The following NFATC1 variants were observed in gnomAD, a reference collection of about 807,000 sequenced individuals.
The protein encoded by NFATC1 is nuclear factor of activated T-cells, cytoplasmic 1.
NFATC1 carries 22 observed loss-of-function variants against 76.0 expected under a neutral mutation model. The observed-to-expected ratio is 0.29, with a 90% CI of 0.21 to 0.41. The LOEUF (loss-of-function observed/expected upper bound fraction) is 0.41. NFATC1 is among the 10% of genes least tolerant of loss of function. The pLI is 1.00. For synonymous variants in NFATC1, 704 were observed against 613.1 expected, an observed-to-expected ratio of 1.15 and a Z score of -2.19; for missense variants, 1,357 against 1,337.7, an observed-to-expected ratio of 1.01 and a Z score of -0.23.
rs1335431315 is a variant in NFATC1 at position 79,410,650 on chromosome 18, C to T, written c.375C>T (p.Cys125=). The T allele has an allele frequency of 6.2e-7, 1 of 1,613,214 alleles. No individual in the cohort carries two copies. The highest frequency in any genetic ancestry group is 1.1e-5 in the South Asian group (1 of 91,080). ...LESPRIEITS[C]LGLYHNNNQF... is the part of the protein sequence containing the mutation. ...GTCCTCGCATCGAGATAACCTCGTG[C>T]TTGGGCCTGTACCACAACAATAACC... is the stretch of plus-strand genomic sequence containing the variant. The change falls in exon 2 of 10, where the codon TGC becomes TGT. Residue 125 remains cysteine (C), a synonymous_variant. Coordinates refer to ENST00000427363, the MANE Select transcript of NFATC1 (RefSeq NM_001278669.2). The surrounding 1 kb of genome is among the most constrained non-coding windows in gnomAD (Gnocchi z 6.7).
chr18:79,511,889 G>T (rs978287070), intron 9 of NFATC1, among the ~76,000 whole-genome samples: 7 of 152,102 alleles, frequency 4.6e-5, no homozygotes, highest in Admixed American at 3.9e-4. Flanking sequence ...CGGGGCTTCT[G>T]GGGGAGGCCA....
chr18:79,457,766 C>T (rs1346478314), intron 6 of NFATC1, among the ~76,000 whole-genome samples: 4 of 152,230 alleles, frequency 2.6e-5, no homozygotes, highest in South Asian at 2.1e-4. Context: ...GCCGTGGCCT[C>T]GCCTGGTCTG....
At chr18:79,494,957 G>A (rs904953783) in intron 9 of NFATC1, among the ~76,000 whole-genome samples, 11 of 152,068 alleles carry the variant, frequency 7.2e-5, no homozygotes, top group Middle Eastern at 3.4e-3. Context: ...GTACGGCCGG[G>A]GGAAGGCGAG....
At chr18:79,430,575 G>T (rs1362834844) in intron 2 of NFATC1, among the ~76,000 whole-genome samples, 1 of 152,202 alleles carries the variant, frequency 6.6e-6, no homozygotes, top group Admixed American at 6.5e-5. Context: ...TGGAGACGGG[G>T]TTTCACCCTG....
At chr18:79,521,192 G>T (rs1212733148) in intron 9 of NFATC1, among the ~76,000 whole-genome samples, 4 of 98,516 alleles carry the variant, frequency 4.1e-5, no homozygotes, top group Non-Finnish European at 8.2e-5. Context: ...TGTGTGTGTG[G>T]GGGCATCAGC....
chr18:79,453,885 C>T (rs1271631742), intron 6 of NFATC1, among the ~76,000 whole-genome samples: 1 of 152,260 alleles, frequency 6.6e-6, no homozygotes, highest in Non-Finnish European at 1.5e-5. Context: ...TCTTCCTCCA[C>T]TTCCGGCTTC....
At chr18:79,423,412 C>T (rs2086169438) in intron 2 of NFATC1, among the ~76,000 whole-genome samples, 1 of 152,240 alleles carries the variant, frequency 6.6e-6, no homozygotes, top group African/African-American at 2.4e-5. Context: ...CCACCTTCTT[C>T]CCAAAGGCGG....
At chr18:79,412,169 G>A (rs1255764744) in intron 2 of NFATC1, among the ~76,000 whole-genome samples, 3 of 152,232 alleles carry the variant, frequency 2.0e-5, no homozygotes, top group African/African-American at 7.2e-5. Flanking sequence ...AACCGTGTGA[G>A]GGGCTGCTGG....
intron 9 of NFATC1, among the ~76,000 whole-genome samples, chr18:79,508,374 G>A (rs572517494): frequency 3.9e-5 from 6 of 152,282 alleles, no homozygotes; most frequent in East Asian, 1.9e-4. Context: ...ACAGGGCAGC[G>A]GCGTGCGTGT....
chr18:79,427,712 T>G (rs1303123585), intron 2 of NFATC1, among the ~76,000 whole-genome samples: 152 of 8,096 alleles, frequency 0.019, no homozygotes, highest in South Asian at 0.022. Flanking sequence ...TGGGTGGGGT[T>G]GGGGGGGTGC....
chr18:79,492,198 T>G (rs893018228), intron 9 of NFATC1, among the ~76,000 whole-genome samples: 2 of 152,124 alleles, frequency 1.3e-5, no homozygotes, highest in East Asian at 3.9e-4. Context: ...CGCTGGAGCC[T>G]CCTCTGTGGC....
At chr18:79,521,022 T>C (rs1437430803) in intron 9 of NFATC1, among the ~76,000 whole-genome samples, 1 of 93,292 alleles carries the variant, frequency 1.1e-5, no homozygotes, top group Non-Finnish European at 2.1e-5. Context: ...TCCACTGATA[T>C]GTGTGTCTGT....
chr18:79,458,995 G>A (rs1052137322), intron 6 of NFATC1, among the ~76,000 whole-genome samples: 10 of 152,226 alleles, frequency 6.6e-5, no homozygotes, highest in Non-Finnish European at 1.2e-4. Flanking sequence ...CACCCTGGTC[G>A]ACCTGAAACG....
chr18:79,494,139 G>A lies in NFATC1; in HGVS notation c.2782+7202G>A, dbSNP rs904840410. 5.3e-5 allele frequency among the ~76,000 whole-genome samples: 8 copies of A among 152,380 alleles called. No individual in the cohort carries two copies. The East Asian group carries it at 1.2e-3, about 22-fold the overall frequency. ...CGACTCACGCGTTTCAGTTCCTCTCGAGAAAACTCGCTGCCACCTGGTCTC... is the reference window on the plus strand; with the variant it reads ...CGACTCACGCGTTTCAGTTCCTCTCAAGAAAACTCGCTGCCACCTGGTCTC... On this transcript the variant is annotated intron_variant, in intron 9 of 9. Transcript: ENST00000427363.
chr18:79,454,056 T>A (rs2087587045), intron 6 of NFATC1, among the ~76,000 whole-genome samples: 1 of 152,208 alleles, frequency 6.6e-6, no homozygotes, highest in Non-Finnish European at 1.5e-5. Context: ...TCGTCTGGTC[T>A]GTTTAAAGTT....
At chr18:79,440,107 G>A (rs927689764) in intron 3 of NFATC1, among the ~76,000 whole-genome samples, 1 of 152,180 alleles carries the variant, frequency 6.6e-6, no homozygotes, top group Non-Finnish European at 1.5e-5. Context: ...TGGAGTGGGG[G>A]TGTGCAGCTG....
intron 9 of NFATC1, among the ~76,000 whole-genome samples, chr18:79,490,742 G>A (rs745885925): frequency 1.4e-4 from 22 of 152,288 alleles, no homozygotes; most frequent in East Asian, 3.9e-4. Context: ...TGAGAAGATG[G>A]CTGGAGCATC....
intron 2 of NFATC1, among the ~76,000 whole-genome samples, chr18:79,429,162 A>C (rs1227892588): frequency 6.7e-6 from 1 of 149,210 alleles, no homozygotes; most frequent in Non-Finnish European, 1.5e-5. Context: ...CGGAGGCTGC[A>C]GTGAGCCGAG....
chr18:79,513,158 CTG>C (rs1321505328), intron 9 of NFATC1, among the ~76,000 whole-genome samples: 1 of 152,264 alleles, frequency 6.6e-6, no homozygotes, highest in Non-Finnish European at 1.5e-5. Flanking sequence ...CACCACCAGG[CTG>C]TGTCAACTCC....
Sources: gnomAD v4.1 joint callset for allele counts (sites outside exome capture counted in the v4.1 genomes callset) on GRCh38, gnomAD v4.1.1 for gene constraint, Gnocchi (gnomAD v3.1) non-coding constraint, MANE v1.5 for transcripts, NCBI Gene and HGNC (gene_info 2026-07-23, HGNC 2026-07-21) for gene names.